The following PTPRJ variants were observed in gnomAD, a reference collection of about 807,000 sequenced individuals.
PTPRJ encodes receptor-type tyrosine-protein phosphatase eta.
Under a neutral mutation model 141.3 loss-of-function variants are expected in PTPRJ, and 129 were observed. The ratio of observed to expected loss-of-function variants is 0.91; its 90% CI spans 0.79 to 1.06. The LOEUF is 1.06. Ranked by LOEUF, PTPRJ falls within the 50% of genes least tolerant of loss-of-function variation. The pLI, the probability that PTPRJ is intolerant of heterozygous loss-of-function variation, is 0.00. For missense variants in PTPRJ, 1,601 were observed against 1,679.7 expected, an observed-to-expected ratio of 0.95 and a Z score of 0.82; for synonymous variants, 610 against 640.5, an observed-to-expected ratio of 0.95 and a Z score of 0.72.
intron 1 of PTPRJ, among the ~76,000 whole-genome samples, chr11:48,024,258 C>A (rs115066409): frequency 6.6e-6 from 1 of 152,014 alleles, no homozygotes; most frequent in Non-Finnish European, 1.5e-5. Flanking sequence ...AGTGCAATGG[C>A]GTGATCTTTG....
At chr11:48,062,937 A>G (rs1565284035) in intron 1 of PTPRJ, among the ~76,000 whole-genome samples, 2 of 152,252 alleles carry the variant, frequency 1.3e-5, no homozygotes, top group Admixed American at 6.5e-5. Flanking sequence ...CAGAAGCAGG[A>G]GCAAGGTAAG....
At chr11:48,078,204 G>T (rs980300953) in intron 1 of PTPRJ, among the ~76,000 whole-genome samples, 1 of 152,124 alleles carries the variant, frequency 6.6e-6, no homozygotes, top group South Asian at 2.1e-4. Context: ...GATGACAGGA[G>T]CCCACCACCA....
At chr11:48,000,203 T>C (rs2134188923) in intron 1 of PTPRJ, among the ~76,000 whole-genome samples, 1 of 149,534 alleles carries the variant, frequency 6.7e-6, no homozygotes, top group East Asian at 2.0e-4. Flanking sequence ...TGCAGTGGTG[T>C]GATCACAGCT....
chr11:48,060,771 G>C (rs1437039975), intron 1 of PTPRJ, among the ~76,000 whole-genome samples: 2 of 152,124 alleles, frequency 1.3e-5, no homozygotes, highest in Non-Finnish European at 2.9e-5. Flanking sequence ...TCAGAATAAT[G>C]CATGGCTTTC....
At chr11:48,040,089 G>C (rs901849487) in intron 1 of PTPRJ, among the ~76,000 whole-genome samples, 1 of 152,100 alleles carries the variant, frequency 6.6e-6, no homozygotes, top group African/African-American at 2.4e-5. Flanking sequence ...CCGCCTGGCC[G>C]CTTTTGCCTT....
chr11:48,076,051 C>T (rs1855391932), intron 1 of PTPRJ, among the ~76,000 whole-genome samples: 1 of 152,214 alleles, frequency 6.6e-6, no homozygotes, highest in Admixed American at 6.5e-5. Flanking sequence ...GGTATACTTT[C>T]TCTCCTCTTG....
intron 1 of PTPRJ, among the ~76,000 whole-genome samples, chr11:48,048,944 T>G (rs1431082467): frequency 3.9e-5 from 6 of 152,232 alleles, no homozygotes; most frequent in Non-Finnish European, 8.8e-5. Context: ...AGTCAGTCAC[T>G]GTCCAGGCTC....
intron 1 of PTPRJ, among the ~76,000 whole-genome samples, chr11:48,024,831 G>T (rs1263384403): frequency 5.9e-5 from 9 of 152,248 alleles, no homozygotes; most frequent in Non-Finnish European, 8.8e-5. Flanking sequence ...GCCTAGCAAA[G>T]GCAGGGATCC....
chr11:48,144,897 T>C lies in PTPRJ; in HGVS notation c.2786+12T>C, dbSNP rs372715581. 58 of 1,613,910 alleles carry C rather than the reference T, an allele frequency of 3.6e-5. No individual in the cohort carries two copies. The highest frequency in any genetic ancestry group is 6.7e-5 in the East Asian group (3 of 44,898). ...CTGGGCTCCTACCGGTAATGTCTTC[T>C]GGTTCTTACTCTTTGGGGGCTGAGC... On this transcript the variant is annotated intron_variant, in intron 13 of 24. Transcript: ENST00000418331.
intron 1 of PTPRJ, among the ~76,000 whole-genome samples, chr11:48,076,802 A>T (rs116074284): frequency 0.025 from 3,715 of 150,454 alleles, 153 homozygotes; most frequent in African/African-American, 0.085. Flanking sequence ...AAAAAAAAAG[A>T]TGTCTTAGAG....
chr11:48,031,929 G>T (rs968533204), intron 1 of PTPRJ, among the ~76,000 whole-genome samples: 1 of 152,110 alleles, frequency 6.6e-6, no homozygotes, highest in Admixed American at 6.6e-5. Context: ...GGGTTATTTT[G>T]CTTATGCACC....
At chr11:48,125,919 C>T (rs1856817778) in intron 6 of PTPRJ, among the ~76,000 whole-genome samples, 1 of 152,082 alleles carries the variant, frequency 6.6e-6, no homozygotes, top group Non-Finnish European at 1.5e-5. Flanking sequence ...GGGGAGGATG[C>T]GGCCGTAGGA....
intron 1 of PTPRJ, chr11:48,046,342 C>T (rs1854396039): frequency 6.6e-6 from 1 of 152,250 alleles, no homozygotes; most frequent in African/African-American, 2.4e-5. Context: ...GTATGAGCCA[C>T]CATGCCCAGC....
chr11:48,010,388 A>G (rs1389695937), intron 1 of PTPRJ, among the ~76,000 whole-genome samples: 1 of 151,588 alleles, frequency 6.6e-6, no homozygotes, highest in Non-Finnish European at 1.5e-5. Flanking sequence ...CATGTTGGCC[A>G]GGCTGGTCTC....
At chr11:48,034,249 A>G (rs1463127704) in intron 1 of PTPRJ, among the ~76,000 whole-genome samples, 1 of 152,216 alleles carries the variant, frequency 6.6e-6, no homozygotes, top group African/African-American at 2.4e-5. Context: ...TGAGCTAGAA[A>G]AAGAACAAGT....
rs1251585759 is a variant in PTPRJ, at chr11:48,045,820, GGTA to G, written c.97-64237_97-64235del. Among the ~76,000 whole-genome samples, 6 of 152,296 alleles carry G rather than the reference GGTA, an allele frequency of 3.9e-5. No individual in the cohort carries two copies. The East Asian group carries it at 1.2e-3, about 29-fold the overall frequency. On this transcript the variant is annotated intron_variant, in intron 1 of 24. Coordinates refer to ENST00000418331, the MANE Select transcript of PTPRJ (RefSeq NM_002843.4). ...CAGTGGGGTGAGGGCCTGGCCACCTGGTACTTAACAAGTTTGGTTCTACATGTG... is the reference window on the plus strand; with the variant it reads ...CAGTGGGGTGAGGGCCTGGCCACCTGCTTAACAAGTTTGGTTCTACATGTG...
At chr11:48,153,479 C>A (rs572638703) in intron 18 of PTPRJ, among the ~76,000 whole-genome samples, 1 of 113,558 alleles carries the variant, frequency 8.8e-6, no homozygotes, top group African/African-American at 3.5e-5. Context: ...GGCGACAGAG[C>A]GAGACTCTGT....
At chr11:48,096,252 G>A (rs1423432980) in intron 1 of PTPRJ, among the ~76,000 whole-genome samples, 1 of 152,174 alleles carries the variant, frequency 6.6e-6, no homozygotes. Flanking sequence ...CAGCAGGCAG[G>A]AAAACGATCT....
intron 1 of PTPRJ, among the ~76,000 whole-genome samples, chr11:48,019,918 AAG>A (rs1168506176): frequency 1.3e-5 from 2 of 152,220 alleles, no homozygotes; most frequent in Admixed American, 6.5e-5. Context: ...ATTGTTTAAA[AAG>A]AGCGATATTT....
Sources: allele counts gnomAD v4.1 joint callset (sites outside exome capture counted in the v4.1 genomes callset), GRCh38; gene constraint gnomAD v4.1.1; transcripts MANE v1.5; gene names NCBI Gene and HGNC (gene_info 2026-07-23, HGNC 2026-07-21).